Variants in SEMA6D observed in about 807,000 individuals in gnomAD.
SEMA6D encodes the protein semaphorin 6D, also known as semaphorin-6D.
In SEMA6D, 35 loss-of-function variants were observed where a neutral mutation model predicts 106.6. The ratio of observed to expected loss-of-function variants is 0.33; its 90% confidence interval spans 0.25 to 0.44. SEMA6D has a LOEUF of 0.44. SEMA6D is among the 20% of genes least tolerant of loss of function. The probability of loss-of-function intolerance (pLI) is 1.00; values close to 1 mark genes in which losing one functional copy is unlikely to be tolerated. For synonymous variants in SEMA6D, 499 were observed against 487.7 expected (o/e 1.02, Z -0.31); for missense variants, 1,185 against 1,345.9 (o/e 0.88, Z 1.87).
chr15:47,685,582 G>A (rs558771576), intron 4 of SEMA6D, among the ~76,000 whole-genome samples: 61 of 152,256 alleles, frequency 4.0e-4, no homozygotes, highest in Middle Eastern at 3.4e-3. Flanking sequence ...TGCATTCTGG[G>A]TTAGGGCCAC....
In SEMA6D at chr15:47,768,613, A is replaced by T. The variant is rs144270010; in HGVS notation, c.1798A>T (p.Met600Leu). The T allele has an allele frequency of 2.5e-6, 4 of 1,613,108 alleles. No individual in the cohort carries two copies. The highest frequency in any genetic ancestry group is 1.7e-5 in the Admixed American group (1 of 60,004). ...MEVSSSSVTT[M>L]ASIPEITPKV... ...GGTATCTTCATCTTCTGTTACCACA[A>T]TGGCAAGTATCCCAGAAATCACACC... Residue 600 changes from methionine to leucine, a missense_variant, in exon 18 of 19, where the codon ATG becomes TTG. Met to Leu is a conservative substitution (Grantham distance 15). Around this residue, in one of 3 missense-constraint regions of SEMA6D, gnomAD observed 750 missense variants for 783.5 expected, o/e 0.96. Coordinates refer to ENST00000536845, the MANE Select transcript of SEMA6D (RefSeq NM_001358351.3).
chr15:47,764,826 C>A lies in SEMA6D; in HGVS notation c.1253+33C>A, dbSNP rs373812051. ...TGTGTGTGAAACACTCCTTCCTATT[C>A]AACGTTTTCTCTGCCCGTTGGCCTC... On this transcript the variant is annotated intron_variant, in intron 12 of 18. Transcript: ENST00000536845. 2.2e-5 allele frequency: 36 copies of A among 1,613,354 alleles called. No homozygotes were observed. In the African/African-American group the frequency reaches 4.8e-4, roughly 22 times the overall value.
At chr15:47,319,570 T>C (rs1603503) in intron 1 of SEMA6D, among the ~76,000 whole-genome samples, 67,088 of 151,624 alleles carry the variant, frequency 0.44, 16,201 homozygotes, top group East Asian at 0.69. Context: ...AAAAACAGGA[T>C]GGGGTGGAAT....
intron 1 of SEMA6D, among the ~76,000 whole-genome samples, chr15:47,371,687 C>A (rs166836): frequency 1 from 152,283 of 152,284 alleles, 76,141 homozygotes; most frequent in Middle Eastern, 1. Flanking sequence ...TGAGAATATC[C>A]CCATACAACT....
chr15:47,578,400 G>A (rs1416505716), intron 3 of SEMA6D, among the ~76,000 whole-genome samples: 1 of 152,134 alleles, frequency 6.6e-6, no homozygotes, highest in East Asian at 1.9e-4. Flanking sequence ...CAGATTTTGT[G>A]TTTGTTTATG....
chr15:47,490,356 G>T lies in SEMA6D; in HGVS notation c.-87+19811G>T, dbSNP rs956509371. Among the ~76,000 whole-genome samples the T allele has an allele frequency of 1.6e-4, 25 of 152,164 alleles. 1 individual carries two copies. Among genetic ancestry groups the T allele is most frequent in the Admixed American group, 1.5e-3 (23 of 15,284 alleles). ...TTTATTCCCTAAAAGACACTTTGAA[G>T]AAATTACATCCAGGCATGGTGGCTC... On this transcript the variant is annotated intron_variant, in intron 3 of 19. Coordinates refer to the SEMA6D transcript ENST00000558014.
At chr15:47,250,440 GAAGAAAGAAAGA>G (rs549519554) in intron 1 of SEMA6D, among the ~76,000 whole-genome samples, 1 of 151,670 alleles carries the variant, frequency 6.6e-6, no homozygotes, top group Non-Finnish European at 1.5e-5. Context: ...AGCAAATCCT[GAAGAAAGAAAGA>G]AAGAAAGAAA....
At chr15:47,295,151 T>G (rs1824040492) in intron 1 of SEMA6D, among the ~76,000 whole-genome samples, 1 of 152,196 alleles carries the variant, frequency 6.6e-6, no homozygotes, top group South Asian at 2.1e-4. Flanking sequence ...CTGCAGCACA[T>G]TTGTCAGCTG....
intron 1 of SEMA6D, among the ~76,000 whole-genome samples, chr15:47,295,068 C>G (rs533444529): frequency 1.3e-5 from 2 of 152,104 alleles, no homozygotes; most frequent in Non-Finnish European, 2.9e-5. Context: ...GACAATAGGC[C>G]GGCAAGAGGG....
intron 1 of SEMA6D, among the ~76,000 whole-genome samples, chr15:47,249,262 C>A (rs1001733193): frequency 6.6e-6 from 1 of 151,902 alleles, no homozygotes; most frequent in Non-Finnish European, 1.5e-5. Flanking sequence ...ACAAACAAAA[C>A]CAGTGGACTA....
At chr15:47,670,045 T>C (rs2078109149) in intron 4 of SEMA6D, among the ~76,000 whole-genome samples, 2 of 152,346 alleles carry the variant, frequency 1.3e-5, no homozygotes, top group South Asian at 4.1e-4. Context: ...GCCTTTCTTC[T>C]TCTCCAACTG....
chr15:47,667,691 C>A (rs542940477), intron 4 of SEMA6D, among the ~76,000 whole-genome samples: 1 of 152,294 alleles, frequency 6.6e-6, no homozygotes, highest in East Asian at 1.9e-4. Context: ...GCTGTCCTCA[C>A]GTGGCAGGAG....
chr15:47,737,555 T>G (rs1309209543), intron 1 of SEMA6D, among the ~76,000 whole-genome samples: 1 of 152,212 alleles, frequency 6.6e-6, no homozygotes, highest in Non-Finnish European at 1.5e-5. Flanking sequence ...AAACCTTATA[T>G]TCTGATTTTT....
intron 4 of SEMA6D, among the ~76,000 whole-genome samples, chr15:47,607,745 T>G (rs927615159): frequency 2.0e-5 from 3 of 152,232 alleles, no homozygotes; most frequent in African/African-American, 7.2e-5. Context: ...TGTAGCCCAT[T>G]TACATTGTAC....
chr15:47,195,020 G>A (rs1566918359), intron 1 of SEMA6D, among the ~76,000 whole-genome samples: 1 of 152,034 alleles, frequency 6.6e-6, no homozygotes, highest in Non-Finnish European at 1.5e-5. Flanking sequence ...ACCAAGTTAC[G>A]TAAAGGAAAT....
intron 1 of SEMA6D, among the ~76,000 whole-genome samples, chr15:47,243,386 G>A (rs1206062333): frequency 6.6e-6 from 1 of 151,580 alleles, no homozygotes. Context: ...CAAGAATTGG[G>A]GCAATTTGAC....
At position 47,498,681 on chromosome 15, in the gene SEMA6D, G is replaced by A. The variant is rs118080388; in HGVS notation, c.-87+28136G>A. ...TATCAAGGACCGATTCAAAATATAT[G>A]TTATAAATTTTGTGAAAGATTTACC... On this transcript the variant is annotated intron_variant, in intron 3 of 19. Transcript: ENST00000558014. Among the ~76,000 whole-genome samples the A allele has an allele frequency of 9.4e-3, 1,428 of 152,212 alleles. 15 individuals are homozygous for A. Among genetic ancestry groups the A allele is most frequent in the South Asian group, 0.024 (114 of 4,828 alleles).
At chr15:47,502,077 A>G (rs978346530) in intron 3 of SEMA6D, among the ~76,000 whole-genome samples, 2 of 152,192 alleles carry the variant, frequency 1.3e-5, no homozygotes, top group African/African-American at 4.8e-5. Context: ...AGTATTTAGC[A>G]TCCACGCTAA....
chr15:47,445,236 G>C (rs1033766846), intron 2 of SEMA6D, among the ~76,000 whole-genome samples: 1 of 151,922 alleles, frequency 6.6e-6, no homozygotes, highest in East Asian at 1.9e-4. Context: ...ACAACTTTTG[G>C]GTGAGAAAAG....
Sources: gnomAD v4.1 joint callset for allele counts (sites outside exome capture counted in the v4.1 genomes callset) on GRCh38, gnomAD v4.1.1 for gene constraint, gnomAD v4.1.1 regional missense constraint, MANE v1.5 for transcripts, NCBI Gene and HGNC (gene_info 2026-07-23, HGNC 2026-07-21) for gene names.